The following TIAM1 variants were observed in gnomAD, a reference collection of about 807,000 sequenced individuals.
TIAM1 encodes the protein TIAM Rac1 associated GEF 1, also known as rho guanine nucleotide exchange factor TIAM1.
In TIAM1, 65 loss-of-function variants were observed where a neutral mutation model predicts 163.5. That is an observed-to-expected ratio of 0.40 (90% CI 0.33 to 0.49). The LOEUF (loss-of-function observed/expected upper bound fraction) is 0.49. TIAM1 is among the 20% of genes least tolerant of loss of function. The pLI is 0.77. For synonymous variants in TIAM1, 833 were observed against 810.1 expected (o/e 1.03, Z -0.48); for missense variants, 1,789 against 2,044.7 (o/e 0.87, Z 2.41).
intron 15 of TIAM1, among the ~76,000 whole-genome samples, chr21:31,170,796 G>A (rs1006494070): frequency 5.9e-5 from 9 of 151,976 alleles, no homozygotes; most frequent in Admixed American, 1.3e-4. Context: ...CCAGCACTTT[G>A]GGAGGCAGAG....
At chr21:31,305,608 C>T (rs1376443831) in intron 2 of TIAM1, among the ~76,000 whole-genome samples, 1 of 152,076 alleles carries the variant, frequency 6.6e-6, no homozygotes, top group Non-Finnish European at 1.5e-5. Context: ...TATCAACGGC[C>T]AGTTGCTGAG....
chr21:31,151,886 A>G (rs910256044), intron 19 of TIAM1, among the ~76,000 whole-genome samples: 9 of 152,182 alleles, frequency 5.9e-5, no homozygotes, highest in Non-Finnish European at 1.3e-4. Flanking sequence ...GGCACTAGTC[A>G]TAAATCCTCA....
At chr21:31,263,626 T>A (rs1395980772) in intron 4 of TIAM1, among the ~76,000 whole-genome samples, 1 of 152,040 alleles carries the variant, frequency 6.6e-6, no homozygotes, top group Non-Finnish European at 1.5e-5. Flanking sequence ...AGCCATCGAG[T>A]ATAGGGGAGA....
chr21:31,148,852 A>G (rs986913729), intron 19 of TIAM1, among the ~76,000 whole-genome samples: 1 of 152,202 alleles, frequency 6.6e-6, no homozygotes, highest in African/African-American at 2.4e-5. Flanking sequence ...CCAAATGAAA[A>G]TTTTATCAAA....
intron 20 of TIAM1, among the ~76,000 whole-genome samples, chr21:31,145,332 G>C (rs1568913215): frequency 6.6e-6 from 1 of 152,162 alleles, no homozygotes; most frequent in South Asian, 2.1e-4. Flanking sequence ...AGTCAAGCTA[G>C]TTCTCTTTGG....
chr21:31,295,695 A>G (rs987587160), intron 2 of TIAM1, among the ~76,000 whole-genome samples: 1 of 152,162 alleles, frequency 6.6e-6, no homozygotes, highest in African/African-American at 2.4e-5. Context: ...ACAGGATGGT[A>G]ATAGAGCTGA....
intron 2 of TIAM1, chr21:31,452,596 C>A: frequency 1.7e-6 from 1 of 573,154 alleles, no homozygotes; most frequent in Admixed American, 2.5e-5. Flanking sequence ...CGATATAGCA[C>A]TAAGTTATGT....
At chr21:31,466,202 A>G (rs1423978364) in intron 1 of TIAM1, among the ~76,000 whole-genome samples, 1 of 152,194 alleles carries the variant, frequency 6.6e-6, no homozygotes, top group Non-Finnish European at 1.5e-5. Context: ...ATTGGGCTCA[A>G]CTCCAAATAC....
intron 2 of TIAM1, among the ~76,000 whole-genome samples, chr21:31,284,053 T>C (rs181815905): frequency 3.9e-5 from 6 of 152,294 alleles, no homozygotes; most frequent in Admixed American, 3.9e-4. Flanking sequence ...TGGAGCTGAA[T>C]GTCATTAACT....
intron 2 of TIAM1, among the ~76,000 whole-genome samples, chr21:31,391,477 T>TA (rs1183911575): frequency 3.3e-5 from 5 of 152,092 alleles, no homozygotes; most frequent in Middle Eastern, 3.4e-3. Context: ...ATACAAAAAT[T>TA]AGCTGGGCGT....
chr21:31,118,789 C>T lies in TIAM1; in HGVS notation c.*1579G>A. 2.7e-6 allele frequency: 1 copy of T among 372,264 alleles called. No individual in the cohort carries two copies. Among genetic ancestry groups the T allele is most frequent in the Non-Finnish European group, 5.4e-6 (1 of 184,618 alleles). 23.1% of individuals were successfully genotyped at this position (372,264 alleles called of 1,614,324 possible). On this transcript the variant is annotated 3_prime_UTR_variant, in exon 28 of 28. Coordinates refer to ENST00000541036, the MANE Select transcript of TIAM1 (RefSeq NM_001353694.2). ...ATAGCAAAAATTTAATAGAATAAAA[C>T]TTTCAAAAGATCAAGCTCGAAGCCC...
intron 19 of TIAM1, among the ~76,000 whole-genome samples, chr21:31,152,152 C>A (rs2083407631): frequency 6.6e-6 from 1 of 151,514 alleles, no homozygotes. Context: ...CCTGCCTCAG[C>A]CTCCTGAGTA....
chr21:31,297,805 C>T (rs2074346326), intron 2 of TIAM1, among the ~76,000 whole-genome samples: 1 of 152,060 alleles, frequency 6.6e-6, no homozygotes, highest in Non-Finnish European at 1.5e-5. Context: ...GAGTTAAGTG[C>T]CATACGATGA....
At chr21:31,147,794 A>G (rs2083204062) in intron 19 of TIAM1, among the ~76,000 whole-genome samples, 1 of 143,428 alleles carries the variant, frequency 7.0e-6, no homozygotes, top group Non-Finnish European at 1.5e-5. Context: ...TAAAATATAT[A>G]TATATATATA....
At chr21:31,445,811 G>GGGGA (rs1402184159) in intron 2 of TIAM1, among the ~76,000 whole-genome samples, 1 of 152,146 alleles carries the variant, frequency 6.6e-6, no homozygotes, top group Non-Finnish European at 1.5e-5. Context: ...AGGGGGAGGA[G>GGGGA]GGGAGGAGAG....
At chr21:31,268,746 A>G (rs1464091802) in intron 3 of TIAM1, among the ~76,000 whole-genome samples, 1 of 152,244 alleles carries the variant, frequency 6.6e-6, no homozygotes, top group South Asian at 2.1e-4. Flanking sequence ...CGGTCTGTGC[A>G]CAACCATTTA....
chr21:31,418,545 A>G (rs374667224), intron 2 of TIAM1, among the ~76,000 whole-genome samples: 2 of 152,164 alleles, frequency 1.3e-5, no homozygotes, highest in East Asian at 3.9e-4. Context: ...GTGGCTGCAG[A>G]TACAAAGACC....
chr21:31,423,700 TAAAAAAAAAAAAAAAA>T (rs200137644), intron 2 of TIAM1, among the ~76,000 whole-genome samples: 31 of 48,230 alleles, frequency 6.4e-4, no homozygotes, highest in African/African-American at 1.3e-3. Context: ...TAGAAAGTTG[TAAAAAAAAAAAAAAAA>T]AAAAAAAAAA....
chr21:31,243,199 A>AT (rs2071296562), intron 6 of TIAM1, among the ~76,000 whole-genome samples: 1 of 131,868 alleles, frequency 7.6e-6, no homozygotes, highest in Admixed American at 7.8e-5. Context: ...TCTCAAAAAA[A>AT]AAAAAAAAAA....
Sources: allele counts gnomAD v4.1 joint callset (sites outside exome capture counted in the v4.1 genomes callset), GRCh38; gene constraint gnomAD v4.1.1; transcripts MANE v1.5; gene names NCBI Gene and HGNC (gene_info 2026-07-23, HGNC 2026-07-21).